Variants in SMARCA2 observed in about 807,000 individuals in gnomAD.
SMARCA2 encodes the protein SWI/SNF related BAF chromatin remodeling complex subunit ATPase 2.
In SMARCA2, 61 loss-of-function variants were observed where a neutral mutation model predicts 199.8. The ratio of observed to expected loss-of-function variants is 0.31; its 90% CI spans 0.25 to 0.38. The LOEUF is 0.38. Ranked by LOEUF, SMARCA2 falls within the 10% of genes least tolerant of loss-of-function variation. The pLI, the probability that SMARCA2 is intolerant of heterozygous loss-of-function variation, is 1.00. For synonymous variants in SMARCA2, 935 were observed against 732.0 expected, an observed-to-expected ratio of 1.28 and a Z score of -4.48; for missense variants, 1,344 against 2,012.2, an observed-to-expected ratio of 0.67 and a Z score of 6.35.
chr9:2,157,375 C>CCTG (rs1825421247), intron 27 of SMARCA2, among the ~76,000 whole-genome samples: 1 of 152,102 alleles, frequency 6.6e-6, no homozygotes, highest in South Asian at 2.1e-4. Flanking sequence ...GTGGTCTTAA[C>CCTG]CTGCATTCTT....
chr9:2,085,746 C>G (rs1195335541), intron 17 of SMARCA2: 1 of 152,030 alleles, frequency 6.6e-6, no homozygotes, highest in Non-Finnish European at 1.5e-5. Context: ...ATGAGGAAGG[C>G]AAGGACTGTA....
rs542384486 is a variant in SMARCA2, at chr9:2,119,889, T to G, written c.3762+354T>G. Among the ~76,000 whole-genome samples, 13 of 152,308 alleles carry G rather than the reference T, an allele frequency of 8.5e-5. No homozygotes were observed. Among genetic ancestry groups the G allele is most frequent in the African/African-American group, 2.9e-4 (12 of 41,572 alleles). ...TGGACAGGCCTCGCGGTCTACAGCT[T>G]ACCATAGACGCCCTCCTGTTCCCAG... On this transcript the variant is annotated intron_variant, in intron 26 of 33. Coordinates refer to ENST00000349721, the MANE Select transcript of SMARCA2 (RefSeq NM_003070.5). The surrounding 1 kb of genome is among the most constrained non-coding windows in gnomAD (Gnocchi z 4.6).
At chr9:2,160,261 G>A (rs971315708) in intron 27 of SMARCA2, 6 of 353,978 alleles carry the variant, frequency 1.7e-5, no homozygotes, top group East Asian at 1.4e-4. Flanking sequence ...ATCAGATCTC[G>A]CCTCCTTCAT....
Position 2,123,205 on chromosome 9 carries a change from G to C in SMARCA2, c.3763-514G>C, listed in dbSNP as rs1333602308. ...TTATGTCTCTTCCACATGTCCAACTGTGGGTAGCTATTCTGTACTGATACC... is the reference window on the plus strand; with the variant it reads ...TTATGTCTCTTCCACATGTCCAACTCTGGGTAGCTATTCTGTACTGATACC... On this transcript the variant is annotated intron_variant, in intron 26 of 33. Coordinates refer to ENST00000349721, the MANE Select transcript of SMARCA2 (RefSeq NM_003070.5). This position sits in a 1 kb window ranked among gnomAD's most constrained non-coding sequence, Gnocchi z 4.1. 1.3e-5 allele frequency among the ~76,000 whole-genome samples: 2 copies of C among 152,150 alleles called. No homozygotes were observed. The highest frequency in any genetic ancestry group is 6.5e-5 in the Admixed American group (1 of 15,276).
intron 17 of SMARCA2, among the ~76,000 whole-genome samples, chr9:2,084,453 C>A (rs1257425140): frequency 6.6e-6 from 1 of 150,852 alleles, no homozygotes; most frequent in Non-Finnish European, 1.5e-5. Context: ...TGTCTATCCC[C>A]TCAGAGTTGA....
In SMARCA2 at chr9:2,171,990, C is replaced by G. The variant is rs114084852; in HGVS notation, c.4253+1518C>G. 8.5e-3 allele frequency among the ~76,000 whole-genome samples: 1,290 copies of G among 152,346 alleles called. 20 individuals are homozygous for G. Among genetic ancestry groups the G allele is most frequent in the African/African-American group, 0.029 (1,211 of 41,592 alleles). On this transcript the variant is annotated intron_variant, in intron 29 of 33. Transcript: ENST00000349721. ...TAGGAACTAGATAAATTCATTTTCA[C>G]TAAAGACACATTTAAACTGTAATTT...
Position 2,083,340 on chromosome 9 carries a change from TCC to T in SMARCA2, c.2349-6_2349-5del. ...TTTTTCTGTTGTTTTTTTTTTTTGT[TCC>T]ATAGGACTCTATCTAACTGGACATA... is the stretch of plus-strand genomic sequence containing the variant. On this transcript the variant is annotated splice_region_variant and splice_polypyrimidine_tract_variant and intron_variant, in intron 15 of 33. Coordinates refer to ENST00000349721, the MANE Select transcript of SMARCA2 (RefSeq NM_003070.5). 1 of 1,542,026 alleles carries T rather than the reference TCC, an allele frequency of 6.5e-7. No individual in the cohort carries two copies. The highest frequency in any genetic ancestry group is 8.8e-7 in the Non-Finnish European group (1 of 1,141,822).
chr9:2,157,933 G>T (rs150075391), intron 27 of SMARCA2: 2 of 398,302 alleles, frequency 5.0e-6, no homozygotes, highest in African/African-American at 2.1e-5. Flanking sequence ...CCCACGTGTG[G>T]CTGCTTCCCG....
intron 1 of SMARCA2, among the ~76,000 whole-genome samples, chr9:2,025,675 A>G (rs1410703747): frequency 6.6e-6 from 1 of 152,138 alleles, no homozygotes; most frequent in East Asian, 1.9e-4. Flanking sequence ...TGGACTTTAA[A>G]CCTTAACCAT....
intron 1 of SMARCA2, among the ~76,000 whole-genome samples, chr9:2,018,287 C>T (rs761842288): frequency 6.6e-6 from 1 of 152,222 alleles, no homozygotes; most frequent in Non-Finnish European, 1.5e-5. Flanking sequence ...CACATGGGTG[C>T]AAAGCCTAGA....
intron 32 of SMARCA2, among the ~76,000 whole-genome samples, chr9:2,189,637 C>A (rs921269022): frequency 6.6e-6 from 1 of 152,078 alleles, no homozygotes; most frequent in Non-Finnish European, 1.5e-5. Context: ...CCAGTCTCTT[C>A]TTCTTCTCCT....
intron 31 of SMARCA2, among the ~76,000 whole-genome samples, chr9:2,183,367 C>G (rs942099510): frequency 5.1e-4 from 78 of 152,316 alleles, no homozygotes; most frequent in African/African-American, 1.8e-3. Context: ...CCACAGTCAA[C>G]AATTCTAAGA....
At position 2,083,520 on chromosome 9, in the gene SMARCA2, T is replaced by A. The variant is rs566054481; in HGVS notation, c.2415+107T>A. 5 of 631,912 alleles carry A rather than the reference T, an allele frequency of 7.9e-6. No individual in the cohort carries two copies. The South Asian group carries it at 1.0e-4, about 13-fold the overall frequency. 39.1% of individuals were successfully genotyped at this position (631,912 alleles called of 1,614,324 possible). A position where few individuals can be genotyped will look rare whatever the true frequency, so the allele number is the denominator to read the frequency against. On this transcript the variant is annotated intron_variant, in intron 16 of 33. Transcript: ENST00000349721. Reference sequence around the variant, plus strand: ...AACTGTATTTGGTTGTAAAGTTTTGTCATGTACATCATGTACTAAACCGTG... The same window carrying A: ...AACTGTATTTGGTTGTAAAGTTTTGACATGTACATCATGTACTAAACCGTG...
chr9:2,061,659 A>G (rs1021094131), intron 9 of SMARCA2, among the ~76,000 whole-genome samples: 12 of 152,214 alleles, frequency 7.9e-5, no homozygotes, highest in African/African-American at 2.9e-4. Context: ...TAAGTCATCC[A>G]GTCGTCTAGT....
Position 2,039,372 on chromosome 9 carries a change from G to C in SMARCA2, c.356-94G>C. The C allele has an allele frequency of 1.7e-6, 2 of 1,181,528 alleles. No individual in the cohort carries two copies. The highest frequency in any genetic ancestry group is 2.4e-6 in the Non-Finnish European group (2 of 832,822). 73.2% of individuals were successfully genotyped at this position (1,181,528 alleles called of 1,614,324 possible). A position where few individuals can be genotyped will look rare whatever the true frequency, so the allele number is the denominator to read the frequency against. ...ATGTCATTCAAATTTCTGTCAGACA[G>C]TGTTGCTGTGGACAATTATTAGAGT... On this transcript the variant is annotated intron_variant, in intron 3 of 33. Coordinates refer to ENST00000349721, the MANE Select transcript of SMARCA2 (RefSeq NM_003070.5). The surrounding 1 kb of genome is among the most constrained non-coding windows in gnomAD (Gnocchi z 4.8).
chr9:2,152,521 C>G (rs1313967797), intron 27 of SMARCA2, among the ~76,000 whole-genome samples: 1 of 152,020 alleles, frequency 6.6e-6, no homozygotes, highest in Non-Finnish European at 1.5e-5. Context: ...CCGCTGCACT[C>G]CAGCCTGGGC....
rs1823190964 is a variant in SMARCA2, at chr9:2,115,798, A to G, written c.3457-24A>G. On this transcript the variant is annotated intron_variant, in intron 24 of 33. Transcript: ENST00000349721. The surrounding 1 kb of genome is among the most constrained non-coding windows in gnomAD (Gnocchi z 6.0). ...GCCTATGCCAGGCATCTCAGTCCTC[A>G]TAGCATATTGACCCCCCAAACAGGA... 6.2e-7 allele frequency: 1 copy of G among 1,604,316 alleles called. No individual in the cohort carries two copies. The highest frequency in any genetic ancestry group is 8.5e-7 in the Non-Finnish European group (1 of 1,172,222).
chr9:2,092,341 G>T (rs183360125), intron 19 of SMARCA2, among the ~76,000 whole-genome samples: 1 of 152,106 alleles, frequency 6.6e-6, no homozygotes, highest in Non-Finnish European at 1.5e-5. Flanking sequence ...GCTTACATTG[G>T]CAATTTGTGT....
chr9:2,063,776 T>C (rs1173104704), intron 9 of SMARCA2, among the ~76,000 whole-genome samples: 2 of 151,854 alleles, frequency 1.3e-5, no homozygotes, highest in Non-Finnish European at 2.9e-5. Flanking sequence ...GACAGAGGCC[T>C]CTGTCTTTCT....
Sources: gnomAD v4.1 joint callset for allele counts (sites outside exome capture counted in the v4.1 genomes callset) on GRCh38, gnomAD v4.1.1 for gene constraint, Gnocchi (gnomAD v3.1) non-coding constraint, MANE v1.5 for transcripts, NCBI Gene and HGNC (gene_info 2026-07-23, HGNC 2026-07-21) for gene names.